Variants in SMTNL2 observed in about 807,000 individuals in gnomAD.
The protein encoded by SMTNL2 is smoothelin-like protein 2.
A neutral mutation model predicts 44.1 loss-of-function variants in SMTNL2; 43 were observed. The ratio of observed to expected loss-of-function variants is 0.98; its 90% CI spans 0.76 to 1.26. The LOEUF (loss-of-function observed/expected upper bound fraction) is 1.26. SMTNL2 is among the 50% of genes most tolerant of loss of function. SMTNL2 has a pLI of 0.00. For missense variants in SMTNL2, 646 were observed against 670.2 expected (o/e 0.96, Z 0.40); for synonymous variants, 317 against 287.6 (o/e 1.10, Z -1.03).
Position 4,607,340 on chromosome 17 carries a change from G to A in SMTNL2, c.1260-21G>A. On this transcript the variant is annotated intron_variant, in intron 7 of 7. Coordinates refer to ENST00000389313, the MANE Select transcript of SMTNL2 (RefSeq NM_001114974.2). This position sits in a 1 kb window ranked among gnomAD's most constrained non-coding sequence, Gnocchi z 4.7. ...GGCTGATGGCTGGGACCACCGTTCT[G>A]ACGGGGCTTGTGTGTTTCAGGAATC... The A allele has an allele frequency of 6.2e-7, 1 of 1,613,800 alleles. No homozygotes were observed. The highest frequency in any genetic ancestry group is 8.5e-7 in the Non-Finnish European group (1 of 1,179,926).
intron 7 of SMTNL2, among the ~76,000 whole-genome samples, chr17:4,599,253 G>T (rs552368519): frequency 6.6e-6 from 1 of 152,188 alleles, no homozygotes; most frequent in Non-Finnish European, 1.5e-5. Flanking sequence ...GCTGCTTGGG[G>T]TTAGCTGTCA....
In SMTNL2 at chr17:4,593,769, C is replaced by T. The variant is rs530527613; in HGVS notation, c.731-53C>T. The T allele has an allele frequency of 1.2e-5, 18 of 1,560,700 alleles. No individual in the cohort carries two copies. In the East Asian group the frequency reaches 2.3e-4, roughly 20 times the overall value. On this transcript the variant is annotated intron_variant, in intron 3 of 7. Transcript: ENST00000389313. ...TGGGTCAGAGGAAGGGAGGCTATGG[C>T]GGGCCCTCCCTGGGGCCAGGGTTTG...
In SMTNL2 at chr17:4,600,008, G is replaced by T. The variant is rs1909965500; in HGVS notation, c.1259+2685G>T. On this transcript the variant is annotated intron_variant, in intron 7 of 7. Transcript: ENST00000389313. The surrounding 1 kb of genome is among the most constrained non-coding windows in gnomAD (Gnocchi z 4.7). ...AGTTCTTGCTTTTCTGCTGACTCGA[G>T]GGCGTGGGGAGGGGCGTCCACCGCA... Among the ~76,000 whole-genome samples the T allele has an allele frequency of 6.6e-6, 1 of 152,150 alleles. No individual in the cohort carries two copies. Among genetic ancestry groups the T allele is most frequent in the Non-Finnish European group, 1.5e-5 (1 of 68,024 alleles).
Position 4,600,467 on chromosome 17 carries a change from T to C in SMTNL2, c.1259+3144T>C, listed in dbSNP as rs545867480. Among the ~76,000 whole-genome samples, 2 of 152,264 alleles carry C rather than the reference T, an allele frequency of 1.3e-5. No homozygotes were observed. Among genetic ancestry groups the C allele is most frequent in the Admixed American group, 1.3e-4 (2 of 15,298 alleles). On this transcript the variant is annotated intron_variant, in intron 7 of 7. Coordinates refer to ENST00000389313, the MANE Select transcript of SMTNL2 (RefSeq NM_001114974.2). The surrounding 1 kb of genome is among the most constrained non-coding windows in gnomAD (Gnocchi z 4.7). ...CCCCAAACCACGGGTTCACCTTGCGTGAGGAATGAAGCATTTCCCCGAGCA... is the reference window on the plus strand; with the variant it reads ...CCCCAAACCACGGGTTCACCTTGCGCGAGGAATGAAGCATTTCCCCGAGCA...
rs1316154326 is a variant in SMTNL2 at position 4,600,052 on chromosome 17, G to C, written c.1259+2729G>C. On this transcript the variant is annotated intron_variant, in intron 7 of 7. Transcript: ENST00000389313. This position sits in a 1 kb window ranked among gnomAD's most constrained non-coding sequence, Gnocchi z 4.7. ...CACCGCAGGCCTGTGCCGGGGGGTC[G>C]GGGGAGTTTGCTCAGAGCCTGGGAA... is the stretch of plus-strand genomic sequence containing the variant. 6.6e-6 allele frequency among the ~76,000 whole-genome samples: 1 copy of C among 152,170 alleles called. No individual in the cohort carries two copies. Among genetic ancestry groups the C allele is most frequent in the South Asian group, 2.1e-4 (1 of 4,828 alleles).
intron 7 of SMTNL2, among the ~76,000 whole-genome samples, chr17:4,602,091 A>C (rs891358963): frequency 6.6e-6 from 1 of 152,174 alleles, no homozygotes; most frequent in African/African-American, 2.4e-5. Context: ...ATTTTGGAAT[A>C]TTTGCATTAT....
intron 1 of SMTNL2, among the ~76,000 whole-genome samples, chr17:4,586,008 T>C (rs143465520): frequency 2.5e-4 from 38 of 152,244 alleles, no homozygotes; most frequent in Admixed American, 5.9e-4. Flanking sequence ...TAGCCCCTTC[T>C]CAGTGGGTAT....
At chr17:4,602,206 C>T (rs540329096) in intron 7 of SMTNL2, among the ~76,000 whole-genome samples, 13 of 150,892 alleles carry the variant, frequency 8.6e-5, no homozygotes, top group African/African-American at 1.7e-4. Context: ...TGCTCATTGG[C>T]GCATTTTGGA....
At chr17:4,606,215 G>T (rs1238755843) in intron 7 of SMTNL2, among the ~76,000 whole-genome samples, 1 of 151,910 alleles carries the variant, frequency 6.6e-6, no homozygotes, top group Non-Finnish European at 1.5e-5. Context: ...TCTGCCTCCT[G>T]GGTTCAAGCA....
chr17:4,584,323 C>T (rs1222806089), upstream of SMTNL2, among the ~76,000 whole-genome samples: 1 of 152,172 alleles, frequency 6.6e-6, no homozygotes, highest in African/African-American at 2.4e-5. Context: ...CCGCCCCTCC[C>T]GCAGGCCGCA....
At position 4,599,400 on chromosome 17, in the gene SMTNL2, C is replaced by T. The variant is rs149543953; in HGVS notation, c.1259+2077C>T. On this transcript the variant is annotated intron_variant, in intron 7 of 7. Transcript: ENST00000389313. ...TGGGGCCCAGCTGCCGAAGCCCAGA[C>T]GTGGCAACCGTCAATCAGACTGTCA... Among the ~76,000 whole-genome samples, 1,077 of 152,236 alleles carry T rather than the reference C, an allele frequency of 7.1e-3. 17 individuals are homozygous for T. The highest frequency in any genetic ancestry group is 0.024 in the African/African-American group (1,016 of 41,530).
Position 4,592,302 on chromosome 17 carries a change from T to G in SMTNL2, c.400-59T>G. On this transcript the variant is annotated intron_variant, in intron 1 of 7. Coordinates refer to ENST00000389313, the MANE Select transcript of SMTNL2 (RefSeq NM_001114974.2). This position sits in a 1 kb window ranked among gnomAD's most constrained non-coding sequence, Gnocchi z 4.5. The stretch of plus-strand genomic sequence containing the variant: ...GAGGGGATTTGGGGGTGGGCAGCTT[T>G]TGGGGGTGGGCAGCTGGCCCTAGCT... 6.5e-7 allele frequency: 1 copy of G among 1,540,180 alleles called. No homozygotes were observed. Among genetic ancestry groups the G allele is most frequent in the Non-Finnish European group, 8.9e-7 (1 of 1,125,136 alleles).
At chr17:4,587,859 C>G (rs12937333) in intron 1 of SMTNL2, among the ~76,000 whole-genome samples, 1 of 152,050 alleles carries the variant, frequency 6.6e-6, no homozygotes, top group South Asian at 2.1e-4. Context: ...AGCTTGGGGC[C>G]GGGGGTGGAT....
rs529181794 is a variant in SMTNL2, at chr17:4,586,459, T to TA, written c.399+1466dup. On this transcript the variant is annotated intron_variant, in intron 1 of 7. Coordinates refer to ENST00000389313, the MANE Select transcript of SMTNL2 (RefSeq NM_001114974.2). ...TGCTCATAGCAGCAGCTGTCCAAAT[T>TA]AAAAAAAAAAATGTCAGGTTCACAT... is the stretch of plus-strand genomic sequence containing the variant. Among the ~76,000 whole-genome samples, 125 of 144,946 alleles carry TA rather than the reference T, an allele frequency of 8.6e-4. 1 individual carries two copies. The highest frequency in any genetic ancestry group is 3.5e-3 in the Middle Eastern group (1 of 286).
chr17:4,593,628 T>C (rs1235711499), intron 3 of SMTNL2, among the ~76,000 whole-genome samples, 194 bp from the exon 4 acceptor site: 1 of 152,194 alleles, frequency 6.6e-6, no homozygotes, highest in Non-Finnish European at 1.5e-5. Flanking sequence ...ACCTCTTTGA[T>C]GTTGTTGCTG....
Position 4,595,040 on chromosome 17 carries a change from G to C in SMTNL2, c.807-105G>C, listed in dbSNP as rs544835768. 52 of 1,487,554 alleles carry C rather than the reference G, an allele frequency of 3.5e-5. No individual in the cohort carries two copies. Among genetic ancestry groups the C allele is most frequent in the Non-Finnish European group, 4.5e-5 (49 of 1,077,526 alleles). 92.1% of individuals were successfully genotyped at this position (1,487,554 alleles called of 1,614,324 possible). A position where few individuals can be genotyped will look rare whatever the true frequency, so the allele number is the denominator to read the frequency against. On this transcript the variant is annotated intron_variant, in intron 4 of 7. Transcript: ENST00000389313. The surrounding 1 kb of genome is among the most constrained non-coding windows in gnomAD (Gnocchi z 5.1). The stretch of plus-strand genomic sequence containing the variant: ...GGCCTCTTCTCTGAGCGCCCATCAC[G>C]GTGCAGGCTGCCTTGTCCACACTCA...
intron 7 of SMTNL2, among the ~76,000 whole-genome samples, chr17:4,599,913 C>G (rs942231038): frequency 1.3e-5 from 2 of 152,178 alleles, no homozygotes; most frequent in African/African-American, 4.8e-5. Context: ...GGCCCCGCCT[C>G]CCGGTGGCCT....
At chr17:4,604,160 C>G (rs1479524920) in intron 7 of SMTNL2, among the ~76,000 whole-genome samples, 1 of 152,050 alleles carries the variant, frequency 6.6e-6, no homozygotes, top group Non-Finnish European at 1.5e-5. Flanking sequence ...TCAGATTTTT[C>G]AATGCTTTAT....
chr17:4,605,608 C>T lies in SMTNL2; in HGVS notation c.1260-1753C>T, dbSNP rs576626480. ...GCCCGGAGAAATGAAGTGTGTTGCC[C>T]ACAGATATATAGCTCGGAAGAGATG... On this transcript the variant is annotated intron_variant, in intron 7 of 7. Coordinates refer to ENST00000389313, the MANE Select transcript of SMTNL2 (RefSeq NM_001114974.2). Among the ~76,000 whole-genome samples the T allele has an allele frequency of 2.6e-5, 4 of 152,170 alleles. No homozygotes were observed. In the East Asian group the frequency reaches 7.7e-4, roughly 29 times the overall value.
Sources: gnomAD v4.1 joint callset for allele counts (sites outside exome capture counted in the v4.1 genomes callset) on GRCh38, gnomAD v4.1.1 for gene constraint, Gnocchi (gnomAD v3.1) non-coding constraint, MANE v1.5 for transcripts, NCBI Gene and HGNC (gene_info 2026-07-23, HGNC 2026-07-21) for gene names.